ELP2: variants seen among roughly 807,000 people sequenced by gnomAD.
ELP2 encodes the protein elongator acetyltransferase complex subunit 2.
In ELP2, 90 loss-of-function variants were observed where a neutral mutation model predicts 119.2. That is an observed-to-expected ratio of 0.75 (90% confidence interval 0.64 to 0.90). ELP2 has a LOEUF of 0.90. Among genes scored for constraint, ELP2 ranks in the 40% least tolerant of loss-of-function variants. ELP2 has a pLI of 0.00. For missense variants in ELP2, 921 were observed against 967.8 expected (o/e 0.95, Z 0.64); for synonymous variants, 339 against 331.0 (o/e 1.02, Z -0.26).
At position 36,170,287 on chromosome 18, in the gene ELP2, C is replaced by A; in HGVS notation, c.2210+91C>A. ...TCATTTCATTTGTGAATTCTCCTAGCCTCTGAGTTACTGTCTTTTTTTTCT... is the reference window on the plus strand; with the variant it reads ...TCATTTCATTTGTGAATTCTCCTAGACTCTGAGTTACTGTCTTTTTTTTCT... On this transcript the variant is annotated intron_variant, in intron 20 of 21. Transcript: ENST00000358232. The A allele has an allele frequency of 3.4e-6, 5 of 1,488,276 alleles. No individual in the cohort carries two copies. In the Admixed American group the frequency reaches 5.3e-5, roughly 16 times the overall value. 92.2% of individuals were successfully genotyped at this position (1,488,276 alleles called of 1,614,324 possible).
At chr18:36,158,759 A>G in intron 13 of ELP2, 76 bp from the exon 14 acceptor site, 1 of 1,063,338 alleles carries the variant, frequency 9.4e-7, no homozygotes, top group Non-Finnish European at 1.4e-6. Context: ...GCCTGAAGTA[A>G]CAGTAACTTT....
intron 3 of ELP2, chr18:36,137,290 C>T (rs1365323174): frequency 6.6e-6 from 1 of 152,192 alleles, no homozygotes; most frequent in African/African-American, 2.4e-5. Context: ...GATACTCCTA[C>T]CGCAGCCTCC....
At chr18:36,152,668 A>C (rs1164670695) in intron 11 of ELP2, among the ~76,000 whole-genome samples, 3 of 152,154 alleles carry the variant, frequency 2.0e-5, no homozygotes, top group Non-Finnish European at 2.9e-5. Context: ...TATCCAGTCC[A>C]CCTGGCTGGC....
At chr18:36,172,267 A>C (rs2091104219) in intron 21 of ELP2, among the ~76,000 whole-genome samples, 1 of 152,108 alleles carries the variant, frequency 6.6e-6, no homozygotes, top group African/African-American at 2.4e-5. Flanking sequence ...TGTCCCCCCC[A>C]AAAAAGTATA....
chr18:36,136,253 A>G, intron 2 of ELP2, 54 bp from the exon 3 acceptor site: 1 of 1,414,642 alleles, frequency 7.1e-7, no homozygotes, highest in South Asian at 1.2e-5. Context: ...GGAAATTTTT[A>G]AAAATTGCAG....
intron 17 of ELP2, among the ~76,000 whole-genome samples, chr18:36,163,145 A>C (rs976823488): frequency 6.6e-6 from 1 of 152,058 alleles, no homozygotes. Context: ...CTTGTAAGCA[A>C]AGATGTCTGG....
chr18:36,131,015 A>T lies in ELP2; in HGVS notation c.138+944A>T, dbSNP rs567550615. Among the ~76,000 whole-genome samples, 324 of 147,826 alleles carry T rather than the reference A, an allele frequency of 2.2e-3. 1 individual carries two copies. The highest frequency in any genetic ancestry group is 7.3e-3 in the African/African-American group (296 of 40,352). On this transcript the variant is annotated intron_variant, in intron 1 of 21. Coordinates refer to ENST00000358232, the MANE Select transcript of ELP2 (RefSeq NM_018255.4). Reference sequence around the variant, plus strand: ...AGACCCCAGTCTCTACAAAAAGTTTAAAAAAAAAAATAGCTGGTTGTGGTG... The same window carrying T: ...AGACCCCAGTCTCTACAAAAAGTTTTAAAAAAAAAATAGCTGGTTGTGGTG...
At position 36,142,853 on chromosome 18, in the gene ELP2, C is replaced by G; in HGVS notation, c.683C>G (p.Ser228Ter). Residue 228 changes from serine to a stop codon, truncating the protein, a stop_gained, in exon 8 of 22, where the codon TCA (serine) becomes TGA (stop). Coordinates refer to ENST00000358232, the MANE Select transcript of ELP2 (RefSeq NM_018255.4). LOFTEE classifies it high-confidence loss of function. ...FGRDLFLASC[S>*]QDCLIRIWKL... is the part of the protein sequence containing the mutation. ...AGAGATCTTTTCCTAGCAAGCTGTT[C>G]ACAAGATTGCCTGATAAGAATATGG... 1 of 1,604,780 alleles carries G rather than the reference C, an allele frequency of 6.2e-7. No homozygotes were observed. Among genetic ancestry groups the G allele is most frequent in the Non-Finnish European group, 8.5e-7 (1 of 1,172,924 alleles).
chr18:36,133,169 T>C (rs1785904), intron 1 of ELP2, 69 bp from the exon 2 acceptor site: 378,628 of 1,074,648 alleles, frequency 0.35, 68,214 homozygotes, highest in Admixed American at 0.39. Flanking sequence ...CTGAAATCTG[T>C]TTTTACTTAT....
intron 21 of ELP2, 39 bp from the exon 22 acceptor site, chr18:36,174,446 T>C (rs1001172720): frequency 6.3e-7 from 1 of 1,599,340 alleles, no homozygotes; most frequent in Non-Finnish European, 8.5e-7. Flanking sequence ...ACACCATTAA[T>C]TGGAAAAACA....
At chr18:36,167,813 G>A (rs1170387098) in intron 19 of ELP2, among the ~76,000 whole-genome samples, 1 of 151,848 alleles carries the variant, frequency 6.6e-6, no homozygotes, top group African/African-American at 2.4e-5. Context: ...CCAAGTAGGT[G>A]GGACTACAGG....
At chr18:36,143,220 A>G (rs1340217406) in intron 8 of ELP2, among the ~76,000 whole-genome samples, 2 of 151,774 alleles carry the variant, frequency 1.3e-5, no homozygotes, top group African/African-American at 2.4e-5. Flanking sequence ...CTCAGGTTCA[A>G]GTGATTCTCC....
intron 5 of ELP2, chr18:36,139,344 A>G: frequency 1.1e-5 from 15 of 1,390,380 alleles, no homozygotes; most frequent in Non-Finnish European, 1.3e-5. Context: ...TGTGAAACCC[A>G]TCTGTATTTA....
At chr18:36,139,913 A>G (rs1326455351) in intron 5 of ELP2, among the ~76,000 whole-genome samples, 1 of 149,098 alleles carries the variant, frequency 6.7e-6, no homozygotes, top group Non-Finnish European at 1.5e-5. Context: ...TGCAGTGGTG[A>G]TCATAGCTCA....
chr18:36,167,337 A>G lies in ELP2; in HGVS notation c.2076+115A>G, dbSNP rs1236216040. Reference sequence around the variant, plus strand: ...CTGTTACAGCTTTTAAAAATCAGCTATGTATTCCTTTCTGTTTTTCGTATA... The same window carrying G: ...CTGTTACAGCTTTTAAAAATCAGCTGTGTATTCCTTTCTGTTTTTCGTATA... On this transcript the variant is annotated intron_variant, in intron 19 of 21. Coordinates refer to ENST00000358232, the MANE Select transcript of ELP2 (RefSeq NM_018255.4). The G allele has an allele frequency of 6.6e-6, 5 of 760,724 alleles. No individual in the cohort carries two copies. In the East Asian group the frequency reaches 9.0e-5, roughly 14 times the overall value. The allele number at this position is 760,724 out of a possible 1,614,324, so 47.1% of individuals were successfully genotyped here. A position where few individuals can be genotyped will look rare whatever the true frequency, so the allele number is the denominator to read the frequency against.
Position 36,145,980 on chromosome 18 carries a change from T to C in ELP2, c.925T>C (p.Ser309Pro). 1.2e-6 allele frequency: 2 copies of C among 1,613,986 alleles called. No individual in the cohort carries two copies. Among genetic ancestry groups the C allele is most frequent in the Non-Finnish European group, 8.5e-7 (1 of 1,179,840 alleles). The change falls in exon 10 of 22, where the codon TCT (serine) becomes CCT (proline). Residue 309 changes from serine to proline, a missense_variant. Coordinates refer to ENST00000358232, the MANE Select transcript of ELP2 (RefSeq NM_018255.4). ...CCTACAGCAGCCAGTGAGATTATTA[T>C]CTGCTTCCATGGATAAAACCATGAT... ...GVLQQPVRLLSASMDKTMILW... is the reference protein window; with the variant it reads ...GVLQQPVRLLPASMDKTMILW...
chr18:36,174,845 C>CCA lies in ELP2; in HGVS notation c.*206_*207dup, dbSNP rs2091186904. On this transcript the variant is annotated 3_prime_UTR_variant, in exon 22 of 22. Coordinates refer to ENST00000358232, the MANE Select transcript of ELP2 (RefSeq NM_018255.4). ...CTGAGTAGCTGGGACTAGAGGCACA[C>CCA]CACCAATTCCGGCTAATTTTTGTAT... 3.7e-6 allele frequency: 2 copies of CCA among 543,770 alleles called. No individual in the cohort carries two copies. Among genetic ancestry groups the CCA allele is most frequent in the Non-Finnish European group, 6.5e-6 (2 of 306,760 alleles). 33.7% of individuals were successfully genotyped at this position (543,770 alleles called of 1,614,324 possible).
chr18:36,155,345 T>C (rs956003724), intron 12 of ELP2, among the ~76,000 whole-genome samples: 5 of 150,302 alleles, frequency 3.3e-5, no homozygotes, highest in Non-Finnish European at 7.4e-5. Flanking sequence ...CTAATGTGTT[T>C]AAAAGAAAAC....
chr18:36,161,388 G>A (rs1001417008), intron 17 of ELP2, among the ~76,000 whole-genome samples: 3 of 152,096 alleles, frequency 2.0e-5, no homozygotes, highest in Non-Finnish European at 4.4e-5. Context: ...GTGAGACTCT[G>A]TATATAAAAC....
Sources: allele counts gnomAD v4.1 joint callset (sites outside exome capture counted in the v4.1 genomes callset), GRCh38; gene constraint gnomAD v4.1.1; transcripts MANE v1.5; gene names NCBI Gene and HGNC (gene_info 2026-07-23, HGNC 2026-07-21).